The following LRCH2 variants were observed in gnomAD, a reference collection of about 807,000 sequenced individuals.
LRCH2 encodes the protein leucine-rich repeat and calponin homology domain-containing protein 2.
LRCH2 carries 38 observed loss-of-function variants against 68.9 expected under a neutral mutation model. That is an observed-to-expected ratio of 0.55 (90% CI 0.43 to 0.72). The LOEUF (loss-of-function observed/expected upper bound fraction) is 0.72. Among genes scored for constraint, LRCH2 ranks in the 30% least tolerant of loss-of-function variants. The pLI is 0.00. For synonymous variants in LRCH2, 191 were observed against 208.1 expected, an observed-to-expected ratio of 0.92 and a Z score of 0.71; for missense variants, 528 against 572.9, an observed-to-expected ratio of 0.92 and a Z score of 0.80.
At position 115,191,803 on chromosome X, in the gene LRCH2, G is replaced by T. The variant is rs986282330; in HGVS notation, c.350-3433C>A. The T allele has an allele frequency of 1.6e-5, 18 of 1,150,805 alleles. No homozygotes were observed. In the Admixed American group the frequency reaches 4.6e-4, roughly 29 times the overall value. 94.8% of individuals were successfully genotyped at this position (1,150,805 alleles called of 1,213,427 possible). A position where few individuals can be genotyped will look rare whatever the true frequency, so the allele number is the denominator to read the frequency against. On this transcript the variant is annotated intron_variant, in intron 1 of 20. Transcript: ENST00000317135. ...CGAGGAGTACCGAGGCCGCTCGCTC[G>T]ATGCCAACAGCGGAGGCCGCTCACC...
At chrX:115,153,042 C>T (rs2072444566) in intron 12 of LRCH2, among the ~76,000 whole-genome samples, 1 of 108,245 alleles carries the variant, frequency 9.2e-6, no homozygotes. Flanking sequence ...GGCATGGTAG[C>T]TCATGCCTGT....
chrX:115,148,066 T>C lies in LRCH2; in HGVS notation c.1695+1761A>G, dbSNP rs1603039839. Among the ~76,000 whole-genome samples the C allele has an allele frequency of 5.5e-5, 5 of 91,084 alleles. 2 individuals are homozygous for C. The allele number at this position is 91,084 out of a possible 115,157, so 79.1% of individuals were successfully genotyped here. A position where few individuals can be genotyped will look rare whatever the true frequency, so the allele number is the denominator to read the frequency against. On this transcript the variant is annotated intron_variant, in intron 14 of 20. Transcript: ENST00000317135. ...GTCTGGGCAATAGAGAGAGACTCTGTCTCTTAAAAAAAAAAATTAAAAACC... is the reference window on the plus strand; with the variant it reads ...GTCTGGGCAATAGAGAGAGACTCTGCCTCTTAAAAAAAAAAATTAAAAACC...
At position 115,196,901 on chromosome X, in the gene LRCH2, T is replaced by A. The variant is rs1261437667; in HGVS notation, c.350-8531A>T. On this transcript the variant is annotated intron_variant, in intron 1 of 20. Transcript: ENST00000317135. ...CCAACACAGGAGCCAGCATATGCTG[T>A]CCCAGGTCACAAGGATAGACATACT... Among the ~76,000 whole-genome samples the A allele has an allele frequency of 4.5e-5, 5 of 110,782 alleles. No individual in the cohort carries two copies. In the South Asian group the frequency reaches 2.0e-3, roughly 43 times the overall value.
intron 10 of LRCH2, among the ~76,000 whole-genome samples, chrX:115,164,084 C>A (rs1177386418): frequency 9.0e-6 from 1 of 111,321 alleles, no homozygotes; most frequent in African/African-American, 3.2e-5. Context: ...AATGTATATT[C>A]TCCAGCCTTC....
At chrX:115,159,802 C>T (rs1260225311) in intron 11 of LRCH2, among the ~76,000 whole-genome samples, 1 of 109,664 alleles carries the variant, frequency 9.1e-6, no homozygotes, top group Non-Finnish European at 1.9e-5. Context: ...GTAGCTTAAC[C>T]TACACATCTT....
chrX:115,144,371 C>G (rs1556535330), intron 14 of LRCH2, among the ~76,000 whole-genome samples: 1 of 110,844 alleles, frequency 9.0e-6, no homozygotes, highest in East Asian at 2.8e-4. Flanking sequence ...AAACTCATAG[C>G]CTTTCCCCTA....
rs147813832 is a variant in LRCH2 at position 115,217,081 on chromosome X, T to C, written c.349+16612A>G. 4.5e-3 allele frequency among the ~76,000 whole-genome samples: 504 copies of C among 111,249 alleles called. 1 individual carries two copies. Among genetic ancestry groups the C allele is most frequent in the African/African-American group, 0.015 (474 of 30,586 alleles). On this transcript the variant is annotated intron_variant, in intron 1 of 20. Transcript: ENST00000317135. ...CCTGCAGAACCCTGAGACTCAGAAA[T>C]GTAGGAAGGTAGGAGCGGGTTGAGG...
At chrX:115,131,441 T>A (rs1456668353) in intron 14 of LRCH2, among the ~76,000 whole-genome samples, 2 of 111,566 alleles carry the variant, frequency 1.8e-5, no homozygotes, top group Non-Finnish European at 3.8e-5. Context: ...GAACTCATCC[T>A]TTTTTATGGC....
chrX:115,166,855 T>C (rs1287432900), intron 6 of LRCH2, among the ~76,000 whole-genome samples: 1 of 110,745 alleles, frequency 9.0e-6, no homozygotes, highest in Non-Finnish European at 1.9e-5. Context: ...TGCAAATTTC[T>C]GATTTACAAA....
At chrX:115,176,325 G>A (rs782113179) in intron 5 of LRCH2, among the ~76,000 whole-genome samples, 1 of 110,921 alleles carries the variant, frequency 9.0e-6, no homozygotes, top group Non-Finnish European at 1.9e-5. Flanking sequence ...ATCCTTGCCA[G>A]CACTGGTTAT....
intron 14 of LRCH2, among the ~76,000 whole-genome samples, chrX:115,137,370 T>C (rs2072298953): frequency 9.1e-6 from 1 of 109,899 alleles, no homozygotes; most frequent in African/African-American, 3.3e-5. Context: ...AAAAAAGTTA[T>C]AGGATGTAAA....
chrX:115,180,033 A>C (rs2072679812), intron 3 of LRCH2, among the ~76,000 whole-genome samples: 1 of 110,813 alleles, frequency 9.0e-6, no homozygotes, highest in Non-Finnish European at 1.9e-5. Flanking sequence ...AACTCATACC[A>C]GCCAAAACCA....
At chrX:115,225,813 A>G (rs915095822) in intron 1 of LRCH2, among the ~76,000 whole-genome samples, 7 of 109,586 alleles carry the variant, frequency 6.4e-5, no homozygotes, top group Non-Finnish European at 1.3e-4. Context: ...TACAGGAAAG[A>G]CATATGACCA....
intron 1 of LRCH2, chrX:115,191,340 C>G: frequency 8.7e-7 from 1 of 1,149,945 alleles, no homozygotes; most frequent in Non-Finnish European, 1.2e-6. Flanking sequence ...ACGAGGAGTA[C>G]CGAGGCCGCT....
chrX:115,223,333 A>G (rs1329531866), intron 1 of LRCH2, among the ~76,000 whole-genome samples: 1 of 111,913 alleles, frequency 8.9e-6, no homozygotes, highest in African/African-American at 3.3e-5. Context: ...GAAAATAGAT[A>G]AAATAGGTGA....
At chrX:115,142,107 G>A (rs1007730058) in intron 14 of LRCH2, among the ~76,000 whole-genome samples, 1 of 111,447 alleles carries the variant, frequency 9.0e-6, no homozygotes, top group Non-Finnish European at 1.9e-5. Context: ...AACTTAGTCA[G>A]AGGATATAGT....
At position 115,122,499 on chromosome X, in the gene LRCH2, A is replaced by G. The variant is rs782141183; in HGVS notation, c.2178+28T>C. Reference sequence around the variant, plus strand: ...CATGTAATAAATTCAAATTTAAGTGATCACGTTGTTAGATAAATAACAATT... The same window carrying G: ...CATGTAATAAATTCAAATTTAAGTGGTCACGTTGTTAGATAAATAACAATT... On this transcript the variant is annotated intron_variant, in intron 20 of 20. Coordinates refer to ENST00000317135, the MANE Select transcript of LRCH2 (RefSeq NM_020871.4). 4 of 1,136,981 alleles carry G rather than the reference A, an allele frequency of 3.5e-6. No individual in the cohort carries two copies. The South Asian group carries it at 7.4e-5, about 21-fold the overall frequency. The allele number at this position is 1,136,981 out of a possible 1,213,427, so 93.7% of individuals were successfully genotyped here. A position where few individuals can be genotyped will look rare whatever the true frequency, so the allele number is the denominator to read the frequency against.
chrX:115,158,965 C>T (rs1556540533), intron 11 of LRCH2, among the ~76,000 whole-genome samples: 1 of 111,592 alleles, frequency 9.0e-6, no homozygotes, highest in East Asian at 2.8e-4. Context: ...GTAAAACTGG[C>T]TCAATAATTA....
At chrX:115,193,983 A>G (rs2072868060) in intron 1 of LRCH2, among the ~76,000 whole-genome samples, 1 of 111,359 alleles carries the variant, frequency 9.0e-6, no homozygotes, top group African/African-American at 3.3e-5. Context: ...AGCTCAATGT[A>G]CCTCATTTAG....
Sources: gnomAD v4.1 joint callset for allele counts (sites outside exome capture counted in the v4.1 genomes callset) on GRCh38, gnomAD v4.1.1 for gene constraint, MANE v1.5 for transcripts, NCBI Gene and HGNC (gene_info 2026-07-23, HGNC 2026-07-21) for gene names.